Variants in ARHGAP35 observed in about 807,000 individuals in gnomAD.
The protein encoded by ARHGAP35 is rho GTPase-activating protein 35.
ARHGAP35 carries 15 observed loss-of-function variants against 111.1 expected under a neutral mutation model. The ratio of observed to expected loss-of-function variants is 0.13; its 90% CI spans 0.09 to 0.21. ARHGAP35 has a LOEUF of 0.21. Among genes scored for constraint, ARHGAP35 ranks in the 10% least tolerant of loss-of-function variants. The pLI is 1.00. For synonymous variants in ARHGAP35, 643 were observed against 710.3 expected, an observed-to-expected ratio of 0.91 and a Z score of 1.51; for missense variants, 1,262 against 1,873.0, an observed-to-expected ratio of 0.67 and a Z score of 6.02.
rs772082688 is a variant in ARHGAP35 at position 46,993,084 on chromosome 19, A to G, written c.4036+3409A>G. ...GACAGATGGCAGTGGGCACACACATATGTGGTCCCAGGCTCAGTCTGGTGG... is the reference window on the plus strand; with the variant it reads ...GACAGATGGCAGTGGGCACACACATGTGTGGTCCCAGGCTCAGTCTGGTGG... On this transcript the variant is annotated intron_variant, in intron 5 of 6. Transcript: ENST00000672722. This position sits in a 1 kb window ranked among gnomAD's most constrained non-coding sequence, Gnocchi z 4.6. 1.3e-5 allele frequency among the ~76,000 whole-genome samples: 2 copies of G among 152,250 alleles called. No homozygotes were observed. The highest frequency in any genetic ancestry group is 3.9e-4 in the East Asian group (2 of 5,156).
At chr19:46,915,791 G>A (rs118094120) in intron 1 of ARHGAP35, among the ~76,000 whole-genome samples, 1,553 of 152,246 alleles carry the variant, frequency 0.01, 12 homozygotes, top group Non-Finnish European at 0.018. Flanking sequence ...ATAAACTGTC[G>A]TAGCTGGAAA....
In ARHGAP35 at chr19:46,922,107, G is replaced by A. The variant is rs1171250906; in HGVS notation, c.3432G>A (p.Glu1144=). 5 of 1,613,910 alleles carry A rather than the reference G, an allele frequency of 3.1e-6. No homozygotes were observed. The highest frequency in any genetic ancestry group is 1.7e-5 in the Admixed American group (1 of 60,002). The change falls in exon 2 of 7, where the codon GAG becomes GAA. Residue 1144 remains glutamate, a synonymous_variant. Coordinates refer to ENST00000672722, the MANE Select transcript of ARHGAP35 (RefSeq NM_004491.5). This position sits in a 1 kb window ranked among gnomAD's most constrained non-coding sequence, Gnocchi z 4.0. ...SDSEMDTSSL[E]RGRKVSIVSK... ...GTGAAATGGACACCAGCTCTCTAGA[G>A]CGAGGGCGCAAGGTTTCCATCGTGA... is the stretch of plus-strand genomic sequence containing the variant.
intron 1 of ARHGAP35, among the ~76,000 whole-genome samples, chr19:46,905,073 AGAG>A (rs940641657): frequency 3.3e-5 from 5 of 152,148 alleles, no homozygotes; most frequent in Non-Finnish European, 7.4e-5. Flanking sequence ...TTACCAAATG[AGAG>A]GAGGAGAAGA....
At chr19:46,976,058 T>TA (rs763168094) in intron 3 of ARHGAP35, among the ~76,000 whole-genome samples, 10 of 152,184 alleles carry the variant, frequency 6.6e-5, no homozygotes, top group East Asian at 3.8e-4. Flanking sequence ...TTTGAATTGA[T>TA]AAAGTGCTAA....
intron 3 of ARHGAP35, among the ~76,000 whole-genome samples, chr19:46,976,141 C>T (rs1160864650): frequency 1.3e-5 from 2 of 151,598 alleles, no homozygotes; most frequent in Admixed American, 6.6e-5. Context: ...TCTCCCTCCC[C>T]CTGTAATTCT....
At chr19:46,878,530 G>T (rs2055939416) in intron 1 of ARHGAP35, among the ~76,000 whole-genome samples, 1 of 152,108 alleles carries the variant, frequency 6.6e-6, no homozygotes, top group Non-Finnish European at 1.5e-5. Flanking sequence ...TGTTGGCCAG[G>T]GTGGTCTCAA....
chr19:46,864,278 G>A (rs1427262334), intron 1 of ARHGAP35, among the ~76,000 whole-genome samples: 1 of 152,158 alleles, frequency 6.6e-6, no homozygotes, highest in East Asian at 1.9e-4. Flanking sequence ...GTTCATTCAG[G>A]GGTAGAGGTG....
intron 1 of ARHGAP35, among the ~76,000 whole-genome samples, chr19:46,878,538 C>CA (rs1440614480): frequency 6.6e-6 from 1 of 152,174 alleles, no homozygotes; most frequent in East Asian, 1.9e-4. Context: ...AGGGTGGTCT[C>CA]AAACTCTTAG....
At position 47,001,290 on chromosome 19, in the gene ARHGAP35, A is replaced by G; in HGVS notation, c.*602A>G. On this transcript the variant is annotated 3_prime_UTR_variant, in exon 7 of 7. Transcript: ENST00000672722. The surrounding 1 kb of genome is among the most constrained non-coding windows in gnomAD (Gnocchi z 5.4). ...GGAGGATAGCTTTGTGCCTGGACCC[A>G]GAGAGTGTGGGACTCCCCGCTTCAT... The G allele has an allele frequency of 3.9e-6, 5 of 1,290,508 alleles. No homozygotes were observed. The highest frequency in any genetic ancestry group is 4.0e-6 in the Non-Finnish European group (4 of 989,378). The allele number at this position is 1,290,508 out of a possible 1,614,324, so 79.9% of individuals were successfully genotyped here.
intron 1 of ARHGAP35, among the ~76,000 whole-genome samples, chr19:46,891,804 T>G (rs1193467631): frequency 6.6e-6 from 1 of 152,094 alleles, no homozygotes; most frequent in African/African-American, 2.4e-5. Context: ...TGTTCAAGTT[T>G]TTATCAGATT....
chr19:46,991,414 T>G (rs559490145), intron 5 of ARHGAP35, among the ~76,000 whole-genome samples: 151 of 152,180 alleles, frequency 9.9e-4, no homozygotes, highest in African/African-American at 3.4e-3. Flanking sequence ...CCTTTTTGTG[T>G]AGGGTTGTGG....
intron 1 of ARHGAP35, among the ~76,000 whole-genome samples, chr19:46,917,058 C>T (rs766480015): frequency 1.3e-5 from 2 of 151,740 alleles, no homozygotes; most frequent in East Asian, 1.9e-4. Context: ...ATATTAAATA[C>T]TTTCATGTTA....
At position 46,873,656 on chromosome 19, in the gene ARHGAP35, C is replaced by T. The variant is rs970090228; in HGVS notation, c.-189+12447C>T. 4.0e-5 allele frequency among the ~76,000 whole-genome samples: 6 copies of T among 149,224 alleles called. No homozygotes were observed. In the South Asian group the frequency reaches 6.3e-4, roughly 16 times the overall value. On this transcript the variant is annotated intron_variant, in intron 1 of 6. Transcript: ENST00000672722. ...TTTCTCAAAAAAAAAAAAAAGCCGTCGGTCAAAGTCAGGAATGGCTATAAA... is the reference window on the plus strand; with the variant it reads ...TTTCTCAAAAAAAAAAAAAAGCCGTTGGTCAAAGTCAGGAATGGCTATAAA...
At chr19:46,990,262 A>G (rs1013308870) in intron 5 of ARHGAP35, among the ~76,000 whole-genome samples, 8 of 152,336 alleles carry the variant, frequency 5.3e-5, no homozygotes, top group African/African-American at 1.7e-4. Flanking sequence ...CTCTGGTTTT[A>G]ATGGTATCCT....
intron 1 of ARHGAP35, among the ~76,000 whole-genome samples, chr19:46,868,157 C>G (rs57962141): frequency 0.016 from 2,399 of 152,312 alleles, 65 homozygotes; most frequent in African/African-American, 0.055. Context: ...TGTGAGCTAC[C>G]GCGCCTGGCT....
intron 1 of ARHGAP35, among the ~76,000 whole-genome samples, chr19:46,861,645 T>C (rs2055828429): frequency 6.6e-6 from 1 of 151,924 alleles, no homozygotes; most frequent in Non-Finnish European, 1.5e-5. Flanking sequence ...ATTCTGCATC[T>C]CTTAATTGTG....
chr19:46,987,114 C>A (rs1241873539), intron 3 of ARHGAP35, among the ~76,000 whole-genome samples: 1 of 151,870 alleles, frequency 6.6e-6, no homozygotes, highest in Non-Finnish European at 1.5e-5. Flanking sequence ...AAGCATGAGC[C>A]AAGTGCTGGG....
At chr19:46,985,613 T>C (rs2056644683) in intron 3 of ARHGAP35, among the ~76,000 whole-genome samples, 1 of 152,184 alleles carries the variant, frequency 6.6e-6, no homozygotes, top group African/African-American at 2.4e-5. Context: ...AATGGCATCA[T>C]CGTTTATTTA....
intron 1 of ARHGAP35, among the ~76,000 whole-genome samples, chr19:46,873,478 CA>C (rs1303996114): frequency 6.1e-5 from 9 of 147,630 alleles, no homozygotes; most frequent in South Asian, 2.1e-4. Context: ...ACTAAAAATA[CA>C]AAAAAAAAAT....
Sources: allele counts gnomAD v4.1 joint callset (sites outside exome capture counted in the v4.1 genomes callset), GRCh38; gene constraint gnomAD v4.1.1; non-coding constraint Gnocchi (gnomAD v3.1); transcripts MANE v1.5; gene names NCBI Gene and HGNC (gene_info 2026-07-23, HGNC 2026-07-21).